The following TMLHE variants were observed in gnomAD, a reference collection of about 807,000 sequenced individuals.
The protein encoded by TMLHE is trimethyllysine dioxygenase, mitochondrial.
In TMLHE, 18 loss-of-function variants were observed where a neutral mutation model predicts 25.7. The observed-to-expected ratio is 0.70, with a 90% CI of 0.48 to 1.04. The LOEUF is 1.04. Among genes scored for constraint, TMLHE ranks in the 50% least tolerant of loss-of-function variants. TMLHE has a pLI of 0.00. For missense variants in TMLHE, 236 were observed against 259.0 expected (o/e 0.91, Z 0.61); for synonymous variants, 105 against 97.0 (o/e 1.08, Z -0.49).
At chrX:155,545,335 T>C in intron 1 of TMLHE, 58 bp from the exon 2 acceptor site, 1 of 905,583 alleles carries the variant, frequency 1.1e-6, no homozygotes, top group African/African-American at 2.0e-5. Flanking sequence ...TATGAGGCTA[T>C]AGGAATAACA....
intron 1 of TMLHE, among the ~76,000 whole-genome samples, chrX:155,581,819 A>C (rs2067630496): frequency 8.9e-6 from 1 of 112,048 alleles, no homozygotes; most frequent in African/African-American, 3.3e-5. Context: ...AATTGAAAAA[A>C]CTACTTTAAA....
At chrX:155,515,594 T>C (rs960363864) in intron 3 of TMLHE, among the ~76,000 whole-genome samples, 2 of 111,765 alleles carry the variant, frequency 1.8e-5, no homozygotes, top group African/African-American at 3.2e-5. Context: ...CTTCATTCCC[T>C]CCAACAGTAC....
intron 2 of TMLHE, 54 bp downstream of exon 2, chrX:155,545,042 C>G (rs2067335299): frequency 1.7e-6 from 2 of 1,161,646 alleles, no homozygotes; most frequent in Admixed American, 5.0e-5. Context: ...GCTGCCAAAG[C>G]AAACATTTCT....
At chrX:155,595,257 T>C (rs1246989033) in intron 1 of TMLHE, among the ~76,000 whole-genome samples, 2 of 111,976 alleles carry the variant, frequency 1.8e-5, no homozygotes, top group Non-Finnish European at 3.8e-5. Context: ...CTTGTTGCCA[T>C]TGTGGGTGGG....
rs1316217849 is a variant in TMLHE at position 155,568,959 on chromosome X, C to T, written c.-1-23682G>A. Among the ~76,000 whole-genome samples the T allele has an allele frequency of 9.7e-5, 5 of 51,732 alleles. 2 individuals are homozygous for T. Among genetic ancestry groups the T allele is most frequent in the Admixed American group, 6.7e-4 (3 of 4,446 alleles). 44.9% of individuals were successfully genotyped at this position (51,732 alleles called of 115,157 possible). A position where few individuals can be genotyped will look rare whatever the true frequency, so the allele number is the denominator to read the frequency against. ...TCCTCCAAAGGAACACAGTTCCTCA[C>T]CAGCAACGGAACAAAGCTGGATAGA... On this transcript the variant is annotated intron_variant, in intron 1 of 7. Coordinates refer to ENST00000334398, the MANE Select transcript of TMLHE (RefSeq NM_018196.4).
At position 155,530,208 on chromosome X, in the gene TMLHE, G is replaced by C. The variant is rs782318662; in HGVS notation, c.182-5576C>G. 2.0e-3 allele frequency among the ~76,000 whole-genome samples: 228 copies of C among 111,877 alleles called. 1 individual carries two copies. The highest frequency in any genetic ancestry group is 7.1e-3 in the African/African-American group (220 of 30,843). ...ATGGACGAATGTATAAAAAACTGTG[G>C]TATATATAGACAATGGAATATTATT... On this transcript the variant is annotated intron_variant, in intron 2 of 7. Coordinates refer to ENST00000334398, the MANE Select transcript of TMLHE (RefSeq NM_018196.4).
At chrX:155,547,347 T>G (rs2124416214) in intron 1 of TMLHE, among the ~76,000 whole-genome samples, 1 of 108,395 alleles carries the variant, frequency 9.2e-6, no homozygotes, top group Admixed American at 9.8e-5. Flanking sequence ...GGTTTCACCG[T>G]GTTAGCCAGG....
chrX:155,611,968 AG>A (rs782308391), intron 1 of TMLHE, among the ~76,000 whole-genome samples: 5 of 112,101 alleles, frequency 4.5e-5, no homozygotes, highest in Non-Finnish European at 9.4e-5. Context: ...CTTAAATATG[AG>A]AGCTCAAGTT....
At chrX:155,556,468 G>A (rs1231331404) in intron 1 of TMLHE, among the ~76,000 whole-genome samples, 1 of 110,483 alleles carries the variant, frequency 9.1e-6, no homozygotes, top group Non-Finnish European at 1.9e-5. Flanking sequence ...ATCACACATT[G>A]GTAGGATCCG....
At chrX:155,603,373 A>T (rs518178) in intron 1 of TMLHE, among the ~76,000 whole-genome samples, 6,373 of 29,055 alleles carry the variant, frequency 0.22, 166 homozygotes, top group South Asian at 0.36. Flanking sequence ...AAAGAATGAA[A>T]GAAAGAAAGA....
chrX:155,545,472 C>G (rs1230612088), intron 1 of TMLHE, among the ~76,000 whole-genome samples, 195 bp from the exon 2 acceptor site: 1 of 112,129 alleles, frequency 8.9e-6, no homozygotes, highest in Non-Finnish European at 1.9e-5. Flanking sequence ...TCATTAGCCA[C>G]TCTTATTTTA....
intron 1 of TMLHE, among the ~76,000 whole-genome samples, chrX:155,602,486 C>G (rs1396729648): frequency 9.0e-6 from 1 of 110,971 alleles, no homozygotes; most frequent in African/African-American, 3.3e-5. Flanking sequence ...CCCCTAAGAC[C>G]AGAAAAAAAA....
At chrX:155,577,239 C>G (rs782773885) in intron 1 of TMLHE, among the ~76,000 whole-genome samples, 1 of 111,887 alleles carries the variant, frequency 8.9e-6, no homozygotes, top group East Asian at 2.8e-4. Flanking sequence ...ACATGGCCAA[C>G]AAGCACATAA....
intron 2 of TMLHE, among the ~76,000 whole-genome samples, chrX:155,532,228 G>A (rs782655360): frequency 9.0e-6 from 1 of 111,570 alleles, no homozygotes; most frequent in South Asian, 3.8e-4. Context: ...GAAACAGAAG[G>A]GTTACCTACA....
chrX:155,559,385 G>C (rs1770557081), intron 1 of TMLHE, among the ~76,000 whole-genome samples: 1 of 110,785 alleles, frequency 9.0e-6, no homozygotes, highest in Non-Finnish European at 1.9e-5. Context: ...TTAAAAAAAA[G>C]AAAGTATGAA....
chrX:155,573,049 T>C (rs1603076125), intron 1 of TMLHE, among the ~76,000 whole-genome samples: 1 of 56,804 alleles, frequency 1.8e-5, no homozygotes, highest in Non-Finnish European at 4.6e-5. Context: ...ACAGACAACC[T>C]ACAAAATGGG....
intron 1 of TMLHE, among the ~76,000 whole-genome samples, chrX:155,604,491 C>G (rs2067775815): frequency 9.0e-6 from 1 of 111,353 alleles, no homozygotes; most frequent in Non-Finnish European, 1.9e-5. Flanking sequence ...GAGTGGAGAC[C>G]CAAAAGACAA....
At chrX:155,600,113 G>A (rs1273684683) in intron 1 of TMLHE, among the ~76,000 whole-genome samples, 1 of 111,751 alleles carries the variant, frequency 8.9e-6, no homozygotes, top group African/African-American at 3.3e-5. Context: ...TTTTCTAGGA[G>A]TAAATCTACC....
At chrX:155,576,129 G>A (rs144953884) in intron 1 of TMLHE, among the ~76,000 whole-genome samples, 147 of 110,844 alleles carry the variant, frequency 1.3e-3, no homozygotes, top group African/African-American at 4.3e-3. Context: ...TCCTAGATCT[G>A]ATTTAAAAAA....
Sources: allele counts gnomAD v4.1 joint callset (sites outside exome capture counted in the v4.1 genomes callset), GRCh38; gene constraint gnomAD v4.1.1; transcripts MANE v1.5; gene names NCBI Gene and HGNC (gene_info 2026-07-23, HGNC 2026-07-21).